BPTF: variants seen among roughly 807,000 people sequenced by gnomAD.
The protein encoded by BPTF is bromodomain PHD finger transcription factor.
In BPTF, 18 loss-of-function variants were observed where a neutral mutation model predicts 292.5. That is an observed-to-expected ratio of 0.06 (90% CI 0.04 to 0.09). BPTF has a LOEUF of 0.09. Ranked by LOEUF, BPTF falls within the 10% of genes least tolerant of loss-of-function variation. BPTF has a pLI of 1.00. For missense variants in BPTF, 2,726 were observed against 3,498.7 expected (o/e 0.78, Z 5.57); for synonymous variants, 1,225 against 1,251.9 (o/e 0.98, Z 0.45).
chr17:67,943,540 A>G (rs1180385266), intron 19 of BPTF, among the ~76,000 whole-genome samples: 1 of 152,158 alleles, frequency 6.6e-6, no homozygotes, highest in African/African-American at 2.4e-5. Context: ...TTTGCATTAC[A>G]TATCTAAAAC....
At position 67,893,848 on chromosome 17, in the gene BPTF, G is replaced by T. The variant is rs148824178; in HGVS notation, c.2411+123G>T. ...TTGAATGAAGTCAATGTGGTCAGCA[G>T]ACAGGACATTAGAGGCATGAGTGTA... On this transcript the variant is annotated intron_variant, in intron 6 of 27. Coordinates refer to ENST00000306378, the MANE Select transcript of BPTF (RefSeq NM_182641.4). 1,015 of 1,147,960 alleles carry T rather than the reference G, an allele frequency of 8.8e-4. 11 individuals are homozygous for T. The African/African-American group carries it at 0.013, about 15-fold the overall frequency. 71.1% of individuals were successfully genotyped at this position (1,147,960 alleles called of 1,614,324 possible). A position where few individuals can be genotyped will look rare whatever the true frequency, so the allele number is the denominator to read the frequency against.
intron 9 of BPTF, among the ~76,000 whole-genome samples, chr17:67,905,393 G>A (rs920614585): frequency 2.8e-4 from 43 of 151,074 alleles, no homozygotes; most frequent in African/African-American, 4.1e-4. Flanking sequence ...AGGTGACAGA[G>A]CAAGACTCTG....
chr17:67,833,012 C>T (rs1412945828), intron 1 of BPTF, among the ~76,000 whole-genome samples: 5 of 150,608 alleles, frequency 3.3e-5, no homozygotes, highest in Admixed American at 2.0e-4. Flanking sequence ...TTGGCCAGGC[C>T]GGTCTCGAAC....
At chr17:67,868,637 T>G (rs1433940112) in intron 3 of BPTF, among the ~76,000 whole-genome samples, 1 of 152,250 alleles carries the variant, frequency 6.6e-6, no homozygotes, top group East Asian at 1.9e-4. Context: ...AGTACACTTT[T>G]AAGTGCCTGG....
chr17:67,869,224 A>G (rs759298357), intron 3 of BPTF, among the ~76,000 whole-genome samples: 3 of 152,202 alleles, frequency 2.0e-5, no homozygotes, highest in Admixed American at 6.5e-5. Flanking sequence ...CTAAAAGGCA[A>G]TGTGAGATAG....
intron 25 of BPTF, 62 bp downstream of exon 25, chr17:67,964,466 T>G: frequency 6.7e-7 from 1 of 1,502,580 alleles, no homozygotes; most frequent in Non-Finnish European, 9.0e-7. Context: ...TTGGAAGCAT[T>G]TCTAGGATTT....
intron 27 of BPTF, chr17:67,981,481 A>T (rs578058975): frequency 1.6e-6 from 2 of 1,225,738 alleles, no homozygotes; most frequent in Non-Finnish European, 2.1e-6. Flanking sequence ...TCAGAACTGG[A>T]TGTTGGGGTC....
At chr17:67,861,336 TTTTC>T (rs1320912879) in intron 2 of BPTF, among the ~76,000 whole-genome samples, 2 of 141,564 alleles carry the variant, frequency 1.4e-5, no homozygotes, top group African/African-American at 5.4e-5. Flanking sequence ...TTCCAAGATT[TTTTC>T]TTTTTTTTTT....
intron 15 of BPTF, among the ~76,000 whole-genome samples, chr17:67,925,651 A>T (rs1186526062): frequency 6.6e-6 from 1 of 152,226 alleles, no homozygotes; most frequent in Non-Finnish European, 1.5e-5. Flanking sequence ...AACATTGAGG[A>T]TACAAGTGAG....
Position 67,854,829 on chromosome 17 carries a change from G to A in BPTF, c.1436+67G>A. ...TAGACTAGTTTCCTTCGTGATTGATGTAGCAGAGCTATGCTGTTGATGTGG... is the reference window on the plus strand; with the variant it reads ...TAGACTAGTTTCCTTCGTGATTGATATAGCAGAGCTATGCTGTTGATGTGG... On this transcript the variant is annotated intron_variant, in intron 2 of 27. Transcript: ENST00000306378. The surrounding 1 kb of genome is among the most constrained non-coding windows in gnomAD (Gnocchi z 5.6). The A allele has an allele frequency of 8.8e-7, 1 of 1,130,756 alleles. No homozygotes were observed. The highest frequency in any genetic ancestry group is 1.3e-6 in the Non-Finnish European group (1 of 777,834). The allele number at this position is 1,130,756 out of a possible 1,614,324, so 70.0% of individuals were successfully genotyped here.
chr17:67,964,063 A>T (rs2067771276), intron 24 of BPTF, 149 bp from the exon 25 acceptor site: 1 of 803,864 alleles, frequency 1.2e-6, no homozygotes, highest in African/African-American at 1.7e-5. Context: ...TAAATTAATG[A>T]ACTGGAATGT....
chr17:67,959,590 A>G lies in BPTF; in HGVS notation c.7976A>G (p.Gln2659Arg). ...ATTAAGAAAGAAAAAGACCTGATGCAGTTGGCTCAGGCCACAGCAGTAGCT... is the reference window on the plus strand; with the variant it reads ...ATTAAGAAAGAAAAAGACCTGATGCGGTTGGCTCAGGCCACAGCAGTAGCT... ...LKIKKEKDLM[Q>R]LAQATAVAAP... Residue 2659 changes from glutamine to arginine, a missense_variant, in exon 24 of 28, where the codon CAG becomes CGG. Gln to Arg is a conservative substitution (Grantham distance 43). Coordinates refer to ENST00000306378, the MANE Select transcript of BPTF (RefSeq NM_182641.4). The G allele has an allele frequency of 1.3e-6, 2 of 1,548,912 alleles. No homozygotes were observed. Among genetic ancestry groups the G allele is most frequent in the South Asian group, 2.5e-5 (2 of 79,488 alleles).
At chr17:67,855,046 A>T (rs566670875) in intron 2 of BPTF, among the ~76,000 whole-genome samples, 1 of 152,226 alleles carries the variant, frequency 6.6e-6, no homozygotes, top group Non-Finnish European at 1.5e-5. Context: ...CACGCCTGTA[A>T]TCCCAGCACT....
chr17:67,953,240 C>T (rs1178167706), intron 23 of BPTF, among the ~76,000 whole-genome samples: 2 of 149,416 alleles, frequency 1.3e-5, no homozygotes, highest in African/African-American at 2.5e-5. Context: ...GGATTACAGG[C>T]GTGAGCCACC....
At chr17:67,918,660 A>G in intron 11 of BPTF, 54 bp from the exon 12 acceptor site, 4 of 1,512,726 alleles carry the variant, frequency 2.6e-6, no homozygotes, top group South Asian at 1.1e-5. Context: ...ATGAATGTGT[A>G]TGTGTATGTA....
Position 67,912,620 on chromosome 17 carries a change from C to G in BPTF, c.4736C>G (p.Ser1579Cys), listed in dbSNP as rs1288647968. Reference protein sequence around the residue: ...INKNENVNGESKRKTVITEVT... With the variant: ...INKNENVNGECKRKTVITEVT... ...AAAAATGAAAATGTCAATGGAGAATCTAAAAGAAAAACCGTCATCACAGAA... is the reference window on the plus strand; with the variant it reads ...AAAAATGAAAATGTCAATGGAGAATGTAAAAGAAAAACCGTCATCACAGAA... The change falls in exon 11 of 28, where the codon TCT (serine) becomes TGT (cysteine). Residue 1579 changes from serine (S) to cysteine (C), a missense_variant. Transcript: ENST00000306378. 4 of 1,612,946 alleles carry G rather than the reference C, an allele frequency of 2.5e-6. No individual in the cohort carries two copies. In the East Asian group the frequency reaches 6.7e-5, roughly 27 times the overall value.
chr17:67,903,295 C>T (rs1258040572), intron 7 of BPTF, among the ~76,000 whole-genome samples: 1 of 152,198 alleles, frequency 6.6e-6, no homozygotes, highest in Non-Finnish European at 1.5e-5. Context: ...AAGGAAAAAA[C>T]TCTGGAAACA....
rs140942173 is a variant in BPTF, at chr17:67,929,440, A to G, written c.6103A>G (p.Ile2035Val). Residue 2035 changes from isoleucine (I) to valine (V), a missense_variant, in exon 17 of 28, where the codon ATT becomes GTT. Coordinates refer to ENST00000306378, the MANE Select transcript of BPTF (RefSeq NM_182641.4). Reference protein sequence around the residue: ...SFQPRTATVTIRPNTSGSGGT... With the variant: ...SFQPRTATVTVRPNTSGSGGT... ...CCAGCCCAGGACAGCAACAGTCACA[A>G]TTAGGCCCAATACCTCAGGCTCTGG... 4.1e-4 allele frequency: 662 copies of G among 1,614,176 alleles called. 1 individual carries two copies. Among genetic ancestry groups the G allele is most frequent in the Middle Eastern group, 6.6e-4 (4 of 6,062 alleles).
At chr17:67,944,696 A>C in intron 20 of BPTF, 28 of 337,534 alleles carry the variant, frequency 8.3e-5, no homozygotes, top group East Asian at 1.4e-4. Flanking sequence ...AGGTGATCTC[A>C]GGGAGGGTGG....
Sources: allele counts gnomAD v4.1 joint callset (sites outside exome capture counted in the v4.1 genomes callset), GRCh38; gene constraint gnomAD v4.1.1; non-coding constraint Gnocchi (gnomAD v3.1); transcripts MANE v1.5; gene names NCBI Gene and HGNC (gene_info 2026-07-23, HGNC 2026-07-21).